Variants in NFE2L2 observed in about 807,000 individuals in gnomAD.
NFE2L2 encodes the protein nuclear factor erythroid 2-related factor 2.
In NFE2L2, 20 loss-of-function variants were observed where a neutral mutation model predicts 49.6. The observed-to-expected ratio is 0.40, with a 90% CI of 0.28 to 0.59. The LOEUF (loss-of-function observed/expected upper bound fraction) is 0.59, where lower values mean the gene tolerates loss of function less well. NFE2L2 is among the 20% of genes least tolerant of loss of function. The probability of loss-of-function intolerance (pLI) is 0.40; values close to 1 mark genes in which losing one functional copy is unlikely to be tolerated. For synonymous variants in NFE2L2, 244 were observed against 256.5 expected (o/e 0.95, Z 0.47); for missense variants, 578 against 714.2 (o/e 0.81, Z 2.17).
chr2:177,261,421 C>T (rs893060242), intron 1 of NFE2L2, among the ~76,000 whole-genome samples: 3 of 152,172 alleles, frequency 2.0e-5, no homozygotes, highest in African/African-American at 7.2e-5. Context: ...CAAATCTCAA[C>T]TTACCCACTT....
At chr2:177,252,443 T>C (rs1203232750) in intron 1 of NFE2L2, among the ~76,000 whole-genome samples, 1 of 152,208 alleles carries the variant, frequency 6.6e-6, no homozygotes, top group Admixed American at 6.5e-5. Flanking sequence ...TGTTTTTTCT[T>C]GTCTTGGGCA....
chr2:177,244,906 G>C (rs1690070713), intron 1 of NFE2L2, among the ~76,000 whole-genome samples: 1 of 148,972 alleles, frequency 6.7e-6, no homozygotes. Flanking sequence ...GGGAGGCTGA[G>C]GCAGGAGAAT....
rs2105458690 is a variant in NFE2L2 at position 177,234,102 on chromosome 2, G to T, written c.215C>A (p.Ala72Asp). Reference sequence around the variant, plus strand: ...TGTCTCTTCATCTAGTTGTAACTGAGCGAAAAAGGCTTTCTCTTGCTCCTT... The same window carrying T: ...TGTCTCTTCATCTAGTTGTAACTGATCGAAAAAGGCTTTCTCTTGCTCCTT... The part of the protein sequence containing the change: ...LQKEQEKAFF[A>D]QLQLDEETGE... The change falls in exon 2 of 5, where the codon GCT becomes GAT. Residue 72 changes from alanine (A) to aspartate (D), a missense_variant. Coordinates refer to ENST00000397062, the MANE Select transcript of NFE2L2 (RefSeq NM_006164.5). 1.9e-6 allele frequency: 3 copies of T among 1,614,158 alleles called. No individual in the cohort carries two copies. The highest frequency in any genetic ancestry group is 2.5e-6 in the Non-Finnish European group (3 of 1,180,024).
chr2:177,255,090 C>G (rs148529343), intron 1 of NFE2L2, among the ~76,000 whole-genome samples: 9 of 152,300 alleles, frequency 5.9e-5, no homozygotes, highest in Admixed American at 5.9e-4. Flanking sequence ...TAGCACAGAG[C>G]AAGAGCCGCA....
At chr2:177,249,089 G>A (rs1027073560) in intron 1 of NFE2L2, among the ~76,000 whole-genome samples, 19 of 151,914 alleles carry the variant, frequency 1.3e-4, no homozygotes, top group Admixed American at 1.1e-3. Context: ...GCGTGGTGGC[G>A]CGTACCTGTG....
At chr2:177,236,880 C>G (rs1464641546) in intron 1 of NFE2L2, among the ~76,000 whole-genome samples, 2 of 151,636 alleles carry the variant, frequency 1.3e-5, no homozygotes, top group Non-Finnish European at 2.9e-5. Context: ...TTTATTTACT[C>G]ATTTTGAGAT....
chr2:177,233,573 G>A, intron 2 of NFE2L2: 2 of 536,832 alleles, frequency 3.7e-6, no homozygotes, highest in African/African-American at 2.0e-5. Flanking sequence ...GTGAGCTTCA[G>A]TTGCTCATCG....
At position 177,255,047 on chromosome 2, in the gene NFE2L2, T is replaced by C. The variant is rs374353856; in HGVS notation, c.45+9485A>G. 7.2e-5 allele frequency among the ~76,000 whole-genome samples: 11 copies of C among 152,304 alleles called. No individual in the cohort carries two copies. The East Asian group carries it at 1.3e-3, about 19-fold the overall frequency. ...CATTACTGCACAATTTACAGCACAATTGTACTGTTATCAAGTGAACTTTGG... is the reference window on the plus strand; with the variant it reads ...CATTACTGCACAATTTACAGCACAACTGTACTGTTATCAAGTGAACTTTGG... On this transcript the variant is annotated intron_variant, in intron 1 of 4. Coordinates refer to ENST00000397062, the MANE Select transcript of NFE2L2 (RefSeq NM_006164.5).
chr2:177,256,691 T>C (rs1455121965), intron 1 of NFE2L2, among the ~76,000 whole-genome samples: 1 of 152,102 alleles, frequency 6.6e-6, no homozygotes, highest in Non-Finnish European at 1.5e-5. Flanking sequence ...AGCAACAAAC[T>C]ACTGATGACT....
chr2:177,261,102 T>G (rs1044349567), intron 1 of NFE2L2, among the ~76,000 whole-genome samples: 2 of 143,030 alleles, frequency 1.4e-5, no homozygotes, highest in Non-Finnish European at 3.0e-5. Flanking sequence ...ACCCGGGAAG[T>G]AGAGGCTGCA....
At chr2:177,252,742 A>G (rs1170848939) in intron 1 of NFE2L2, among the ~76,000 whole-genome samples, 1 of 152,146 alleles carries the variant, frequency 6.6e-6, no homozygotes, top group Non-Finnish European at 1.5e-5. Flanking sequence ...CTAAAAAGTT[A>G]TTTTTACATG....
chr2:177,233,025 G>A (rs1689612211), intron 3 of NFE2L2: 2 of 520,978 alleles, frequency 3.8e-6, no homozygotes, highest in Admixed American at 3.8e-5. Context: ...ATAGTCAATG[G>A]TTTTGGTTTT....
At chr2:177,247,684 CAAA>C (rs57701650) in intron 1 of NFE2L2, among the ~76,000 whole-genome samples, 12 of 56,330 alleles carry the variant, frequency 2.1e-4, no homozygotes, top group Admixed American at 4.0e-4. Context: ...CCCCACCCCG[CAAA>C]AAAAAAAAAA....
chr2:177,258,789 C>T (rs1690622191), intron 1 of NFE2L2, among the ~76,000 whole-genome samples: 1 of 152,114 alleles, frequency 6.6e-6, no homozygotes, highest in Admixed American at 6.5e-5. Flanking sequence ...CCTAAGTGAT[C>T]CATATTTTTC....
chr2:177,232,159 A>G (rs1278463854), intron 4 of NFE2L2, 151 bp from the exon 5 acceptor site: 4 of 943,142 alleles, frequency 4.2e-6, no homozygotes, highest in East Asian at 5.3e-5. Flanking sequence ...TTTCCAATAC[A>G]TATTTACGCC....
At chr2:177,233,415 G>T (rs555818950) in intron 2 of NFE2L2, 76 bp from the exon 3 acceptor site, 7 of 1,049,762 alleles carry the variant, frequency 6.7e-6, no homozygotes, top group Non-Finnish European at 1.0e-5. Flanking sequence ...TTCAATAATT[G>T]ATGTTCATAA....
At chr2:177,232,141 A>C in intron 4 of NFE2L2, 133 bp from the exon 5 acceptor site, 1 of 1,024,540 alleles carries the variant, frequency 9.8e-7, no homozygotes, top group Non-Finnish European at 1.4e-6. Flanking sequence ...ATTCAGAGAT[A>C]ATTCTCATTT....
chr2:177,231,635 G>GATA lies in NFE2L2; in HGVS notation c.965_967dup (p.Leu322dup), dbSNP rs1404832419. On this transcript the variant is annotated inframe_insertion, in exon 5 of 5. Transcript: ENST00000397062. ...GTTTTGGTTGAAAGCTTTGCAAAGT[G>GATA]ATAGATCAGAAACATCAATGGGCCC... The GATA allele has an allele frequency of 3.1e-6, 5 of 1,614,198 alleles. No homozygotes were observed. The highest frequency in any genetic ancestry group is 4.2e-6 in the Non-Finnish European group (5 of 1,180,026).
Position 177,232,575 on chromosome 2 carries a change from CG to C in NFE2L2, c.410del (p.Ser137TrpfsTer36). Reference sequence around the variant, plus strand: ...CAGGAACAAGTGACTGAAACGTAGCCGAAGAAACCTAAAATTGATAAGGCAT... The same window carrying C: ...CAGGAACAAGTGACTGAAACGTAGCCAAGAAACCTAAAATTGATAAGGCAT... ...FPFVDDNEVS[S>X]ATFQSLVPDI... is the part of the protein sequence containing the mutation. On this transcript the variant is annotated frameshift_variant, in exon 4 of 5. Transcript: ENST00000397062. LOFTEE classifies it high-confidence loss of function. 1 of 1,613,568 alleles carries C rather than the reference CG, an allele frequency of 6.2e-7. No homozygotes were observed. Among genetic ancestry groups the C allele is most frequent in the Non-Finnish European group, 8.5e-7 (1 of 1,179,652 alleles).
Sources: gnomAD v4.1 joint callset for allele counts (sites outside exome capture counted in the v4.1 genomes callset) on GRCh38, gnomAD v4.1.1 for gene constraint, MANE v1.5 for transcripts, NCBI Gene and HGNC (gene_info 2026-07-23, HGNC 2026-07-21) for gene names.